Variants in TJP2 observed in about 807,000 individuals in gnomAD.
TJP2 encodes tight junction protein 2.
TJP2 carries 91 observed loss-of-function variants against 133.1 expected under a neutral mutation model. That is an observed-to-expected ratio of 0.68 (90% CI 0.58 to 0.81). The LOEUF is 0.81. TJP2 is among the 40% of genes least tolerant of loss of function. TJP2 has a pLI of 0.00. For missense variants in TJP2, 1,541 were observed against 1,565.6 expected (o/e 0.98, Z 0.26); for synonymous variants, 592 against 583.4 (o/e 1.01, Z -0.21).
chr9:69,155,000 C>G (rs937823561), intron 2 of TJP2, among the ~76,000 whole-genome samples: 1 of 151,586 alleles, frequency 6.6e-6, no homozygotes, highest in East Asian at 1.9e-4. Flanking sequence ...GGTGGATCAC[C>G]TGAGGTCAGG....
chr9:69,165,782 A>AG (rs1343905790), intron 2 of TJP2, among the ~76,000 whole-genome samples: 1 of 152,202 alleles, frequency 6.6e-6, no homozygotes, highest in Non-Finnish European at 1.5e-5. Flanking sequence ...GTGTCCTGCC[A>AG]GGAAGAAGTG....
At chr9:69,164,818 A>G (rs935746313) in intron 2 of TJP2, among the ~76,000 whole-genome samples, 9 of 152,152 alleles carry the variant, frequency 5.9e-5, no homozygotes, top group African/African-American at 2.2e-4. Flanking sequence ...AATCTGACAG[A>G]CCTGGACCTG....
At chr9:69,159,241 C>A (rs972251570) in intron 2 of TJP2, among the ~76,000 whole-genome samples, 1 of 151,902 alleles carries the variant, frequency 6.6e-6, no homozygotes, top group Non-Finnish European at 1.5e-5. Context: ...ACATCACTTG[C>A]GACCAGGAGG....
intron 1 of TJP2, among the ~76,000 whole-genome samples, chr9:69,128,624 A>G (rs1459009714): frequency 6.6e-6 from 1 of 150,388 alleles, no homozygotes; most frequent in African/African-American, 2.5e-5. Flanking sequence ...CCGGGTTCAC[A>G]CCATTCTCCT....
chr9:69,231,499 T>A (rs75252476), intron 11 of TJP2, among the ~76,000 whole-genome samples: 5,065 of 152,194 alleles, frequency 0.033, 124 homozygotes, highest in Non-Finnish European at 0.048. Context: ...AATCCATATG[T>A]AGTAAACTAA....
chr9:69,199,790 G>T (rs1000318772), intron 1 of TJP2, among the ~76,000 whole-genome samples: 1 of 152,030 alleles, frequency 6.6e-6, no homozygotes, highest in Admixed American at 6.6e-5. Context: ...TGGAAAGCAC[G>T]CATGACATTG....
At chr9:69,252,748 A>C in intron 21 of TJP2, 67 bp from the exon 22 acceptor site, 2 of 1,474,706 alleles carry the variant, frequency 1.4e-6, no homozygotes, top group Non-Finnish European at 1.9e-6. Context: ...CCAGCAGGAA[A>C]CCAGCAAGCA....
intron 18 of TJP2, among the ~76,000 whole-genome samples, chr9:69,247,042 T>G (rs1356764725): frequency 3.3e-5 from 5 of 152,250 alleles, no homozygotes; most frequent in Non-Finnish European, 5.9e-5. Flanking sequence ...TAGTGTTATA[T>G]TCCAAGTACA....
intron 5 of TJP2, 114 bp downstream of exon 5, chr9:69,221,610 G>A (rs1828868807): frequency 7.1e-7 from 1 of 1,408,912 alleles, no homozygotes; most frequent in Non-Finnish European, 9.7e-7. Flanking sequence ...CTGGAGGGAA[G>A]TGGCGTGATC....
intron 12 of TJP2, among the ~76,000 whole-genome samples, chr9:69,235,479 C>T (rs971941048): frequency 1.3e-5 from 2 of 151,950 alleles, no homozygotes; most frequent in Admixed American, 6.6e-5. Context: ...CCCACCACCA[C>T]GCCCGGCTAA....
At chr9:69,169,169 C>T (rs1587954744) in intron 2 of TJP2, among the ~76,000 whole-genome samples, 1 of 152,170 alleles carries the variant, frequency 6.6e-6, no homozygotes, top group Non-Finnish European at 1.5e-5. Context: ...AATGTGTTTA[C>T]ATATCGTTGT....
chr9:69,144,548 G>C (rs182036249), intron 1 of TJP2, among the ~76,000 whole-genome samples: 3 of 152,166 alleles, frequency 2.0e-5, no homozygotes, highest in East Asian at 3.8e-4. Context: ...AGCTATTTAA[G>C]TCAGAACTCT....
intron 19 of TJP2, 117 bp from the exon 20 acceptor site, chr9:69,249,258 G>T: frequency 7.9e-6 from 12 of 1,528,188 alleles, no homozygotes; most frequent in Non-Finnish European, 1.1e-5. Flanking sequence ...AGAAGCACCG[G>T]CTCAGAACCT....
At chr9:69,236,459 G>GTT in intron 13 of TJP2, among the ~76,000 whole-genome samples, 1 of 152,258 alleles carries the variant, frequency 6.6e-6, no homozygotes, top group East Asian at 1.9e-4. Context: ...GAATGTGGCT[G>GTT]TTTGAACAAC....
chr9:69,231,412 T>C (rs1829772400), intron 11 of TJP2, among the ~76,000 whole-genome samples: 1 of 152,226 alleles, frequency 6.6e-6, no homozygotes, highest in South Asian at 2.1e-4. Context: ...ACTGTCTTCA[T>C]TGGAATTTCT....
rs572514070 is a variant in TJP2, at chr9:69,155,947, T to C, written c.-10+4176T>C. Reference sequence around the variant, plus strand: ...GGGAAGAGAAACTCGGAGCAGAGCCTGTACATTAAAAGAGTCTGGAGATGC... The same window carrying C: ...GGGAAGAGAAACTCGGAGCAGAGCCCGTACATTAAAAGAGTCTGGAGATGC... On this transcript the variant is annotated intron_variant, in intron 2 of 5. Coordinates refer to the TJP2 transcript ENST00000423935. 6.6e-5 allele frequency among the ~76,000 whole-genome samples: 10 copies of C among 152,330 alleles called. No individual in the cohort carries two copies. In the South Asian group the frequency reaches 2.1e-3, roughly 32 times the overall value.
chr9:69,244,861 A>G (rs561553944), intron 17 of TJP2, among the ~76,000 whole-genome samples: 1 of 152,268 alleles, frequency 6.6e-6, no homozygotes, highest in Admixed American at 6.5e-5. Context: ...GATTTTCTTT[A>G]TTTTATCAAG....
upstream of TJP2, among the ~76,000 whole-genome samples, chr9:69,169,748 TAC>T (rs555328775): frequency 1.4e-3 from 211 of 152,130 alleles, no homozygotes; most frequent in African/African-American, 4.6e-3. Flanking sequence ...TATATATATA[TAC>T]ACACACACAG....
intron 2 of TJP2, among the ~76,000 whole-genome samples, chr9:69,215,204 A>G (rs899011166): frequency 6.6e-6 from 1 of 152,174 alleles, no homozygotes; most frequent in African/African-American, 2.4e-5. Context: ...TTGAAAAACT[A>G]CTTCTTGGGT....
Sources: allele counts gnomAD v4.1 joint callset (sites outside exome capture counted in the v4.1 genomes callset), GRCh38; gene constraint gnomAD v4.1.1; transcripts MANE v1.5; gene names NCBI Gene and HGNC (gene_info 2026-07-23, HGNC 2026-07-21).